CNTNAP2: variants seen among roughly 807,000 people sequenced by gnomAD.
CNTNAP2 encodes the protein contactin associated protein 2.
Under a neutral mutation model 155.2 loss-of-function variants are expected in CNTNAP2, and 98 were observed. The observed-to-expected ratio is 0.63, with a 90% CI of 0.54 to 0.75. CNTNAP2 has a LOEUF of 0.75. Ranked by LOEUF, CNTNAP2 falls within the 30% of genes least tolerant of loss-of-function variation. The pLI is 0.00. For missense variants in CNTNAP2, 1,727 were observed against 1,688.1 expected (o/e 1.02, Z -0.40); for synonymous variants, 651 against 631.2 (o/e 1.03, Z -0.47).
intron 1 of CNTNAP2, among the ~76,000 whole-genome samples, chr7:146,290,471 T>C (rs910123960): frequency 7.2e-5 from 11 of 152,226 alleles, no homozygotes; most frequent in African/African-American, 2.7e-4. Context: ...TTCACAATTC[T>C]GAAGCACAGC....
At chr7:147,251,915 A>C (rs919208153) in intron 8 of CNTNAP2, among the ~76,000 whole-genome samples, 1 of 152,192 alleles carries the variant, frequency 6.6e-6, no homozygotes, top group African/African-American at 2.4e-5. Context: ...GTTTGTTCCT[A>C]ATATTCCTTC....
chr7:147,416,222 C>T (rs1584936165), intron 10 of CNTNAP2, among the ~76,000 whole-genome samples: 1 of 152,140 alleles, frequency 6.6e-6, no homozygotes, highest in East Asian at 1.9e-4. Context: ...CAACCTGTGG[C>T]CACAGGGACT....
intron 14 of CNTNAP2, among the ~76,000 whole-genome samples, chr7:147,956,332 C>T (rs988818830): frequency 2.7e-5 from 4 of 149,320 alleles, no homozygotes; most frequent in African/African-American, 9.8e-5. Context: ...GTGAGATAAG[C>T]ACATCAATCG....
At chr7:148,380,878 G>C (rs1029683581) in intron 21 of CNTNAP2, among the ~76,000 whole-genome samples, 2 of 152,198 alleles carry the variant, frequency 1.3e-5, no homozygotes, top group Non-Finnish European at 2.9e-5. Context: ...CTTGCAACAG[G>C]GGTGCCCTCA....
chr7:146,634,781 A>G (rs1455187443), intron 1 of CNTNAP2, among the ~76,000 whole-genome samples: 1 of 152,200 alleles, frequency 6.6e-6, no homozygotes, highest in Admixed American at 6.5e-5. Flanking sequence ...AGTGGCACTT[A>G]TATGTGTCAA....
intron 1 of CNTNAP2, among the ~76,000 whole-genome samples, chr7:146,408,010 A>G (rs571957648): frequency 6.6e-6 from 1 of 152,334 alleles, no homozygotes; most frequent in African/African-American, 2.4e-5. Context: ...ACAGACTATT[A>G]TCAACAAGGC....
intron 2 of CNTNAP2, among the ~76,000 whole-genome samples, chr7:146,816,356 T>C (rs899217863): frequency 6.6e-6 from 1 of 152,114 alleles, no homozygotes; most frequent in Non-Finnish European, 1.5e-5. Context: ...GGGTCCAGAT[T>C]GGAAGAGGAT....
chr7:146,201,346 C>A (rs944116292), intron 1 of CNTNAP2, among the ~76,000 whole-genome samples: 1 of 131,110 alleles, frequency 7.6e-6, no homozygotes, highest in Admixed American at 7.1e-5. Flanking sequence ...TGAAACAGGA[C>A]AAAATATTTA....
chr7:146,721,743 T>TATATAGTCTAC (rs1563203969), intron 1 of CNTNAP2, among the ~76,000 whole-genome samples: 9 of 128,834 alleles, frequency 7.0e-5, no homozygotes, highest in African/African-American at 2.2e-4. Context: ...ATATATTCTA[T>TATATAGTCTAC]ATATATATTC....
intron 11 of CNTNAP2, among the ~76,000 whole-genome samples, chr7:147,486,580 A>G (rs1177868972): frequency 6.6e-6 from 1 of 152,230 alleles, no homozygotes; most frequent in Non-Finnish European, 1.5e-5. Context: ...AATAAAATGA[A>G]GACATAAGAG....
At chr7:148,090,617 G>A (rs1331545976) in intron 15 of CNTNAP2, among the ~76,000 whole-genome samples, 1 of 152,142 alleles carries the variant, frequency 6.6e-6, no homozygotes, top group Non-Finnish European at 1.5e-5. Context: ...TGGTGAGAAT[G>A]TGAAGAGGGA....
intron 1 of CNTNAP2, among the ~76,000 whole-genome samples, chr7:146,635,857 T>C (rs1302253339): frequency 1.3e-5 from 2 of 151,640 alleles, no homozygotes; most frequent in Non-Finnish European, 2.9e-5. Context: ...TGAAGGGGTT[T>C]CAAATTACTC....
At chr7:147,060,993 T>C (rs1165131618) in intron 4 of CNTNAP2, among the ~76,000 whole-genome samples, 1 of 152,236 alleles carries the variant, frequency 6.6e-6, no homozygotes, top group Non-Finnish European at 1.5e-5. Context: ...TCAATAACTT[T>C]ATTACTAATA....
intron 22 of CNTNAP2, among the ~76,000 whole-genome samples, chr7:148,385,573 A>T (rs959812047): frequency 2.6e-5 from 4 of 152,114 alleles, no homozygotes; most frequent in African/African-American, 9.7e-5. Context: ...CAGGGCCAAT[A>T]GACTAGTTTC....
At chr7:146,322,366 C>T (rs1375857739) in intron 1 of CNTNAP2, among the ~76,000 whole-genome samples, 1 of 152,170 alleles carries the variant, frequency 6.6e-6, no homozygotes, top group Non-Finnish European at 1.5e-5. Context: ...AGTACCTCAG[C>T]TGGTCCATTA....
At chr7:147,814,010 C>A (rs904717689) in intron 13 of CNTNAP2, among the ~76,000 whole-genome samples, 1 of 151,912 alleles carries the variant, frequency 6.6e-6, no homozygotes, top group Non-Finnish European at 1.5e-5. Context: ...ATTTACTGTT[C>A]GGCACTTTTT....
In CNTNAP2 at chr7:147,852,500, C is replaced by T. The variant is rs974354231; in HGVS notation, c.2099-51065C>T. 5.7e-4 allele frequency among the ~76,000 whole-genome samples: 87 copies of T among 152,214 alleles called. 2 individuals carry two copies. The highest frequency in any genetic ancestry group is 5.6e-3 in the Admixed American group (85 of 15,284). On this transcript the variant is annotated intron_variant, in intron 13 of 23. Coordinates refer to ENST00000361727, the MANE Select transcript of CNTNAP2 (RefSeq NM_014141.6). ...CTCTTGACAAAATTTCAGATCCATT[C>T]AAAATTTCAAATACGTTAAAATAAA...
rs1188733873 is a variant in CNTNAP2 at position 146,165,552 on chromosome 7, A to G, written c.97+48579A>G. ...CTAAACATTTCAAGTCAGTCTGTCA[A>G]TTAGTATTTTTGACTGAATAATTGA... is the stretch of plus-strand genomic sequence containing the variant. On this transcript the variant is annotated intron_variant, in intron 1 of 23. Coordinates refer to ENST00000361727, the MANE Select transcript of CNTNAP2 (RefSeq NM_014141.6). Among the ~76,000 whole-genome samples, 4 of 152,196 alleles carry G rather than the reference A, an allele frequency of 2.6e-5. No individual in the cohort carries two copies. The East Asian group carries it at 7.7e-4, about 29-fold the overall frequency.
At chr7:148,326,282 A>G (rs1797885856) in intron 21 of CNTNAP2, among the ~76,000 whole-genome samples, 1 of 152,116 alleles carries the variant, frequency 6.6e-6, no homozygotes, top group Non-Finnish European at 1.5e-5. Flanking sequence ...GATCTTTTCC[A>G]TCATCCAGAG....
Sources: allele counts gnomAD v4.1 joint callset (sites outside exome capture counted in the v4.1 genomes callset), GRCh38; gene constraint gnomAD v4.1.1; transcripts MANE v1.5; gene names NCBI Gene and HGNC (gene_info 2026-07-23, HGNC 2026-07-21).